Variants in ACTN1 observed in about 807,000 individuals in gnomAD.
ACTN1 encodes actinin alpha 1, also known as alpha-actinin-1.
A neutral mutation model predicts 119.6 loss-of-function variants in ACTN1; 30 were observed. The observed-to-expected ratio is 0.25, with a 90% CI of 0.19 to 0.34. The LOEUF is 0.34. Among genes scored for constraint, ACTN1 ranks in the 10% least tolerant of loss-of-function variants. The pLI, the probability that ACTN1 is intolerant of heterozygous loss-of-function variation, is 1.00. For synonymous variants in ACTN1, 429 were observed against 472.6 expected (o/e 0.91, Z 1.20); for missense variants, 764 against 1,223.4 (o/e 0.62, Z 5.60).
chr14:68,971,550 C>T (rs1044508726), intron 1 of ACTN1, among the ~76,000 whole-genome samples: 1 of 152,214 alleles, frequency 6.6e-6, no homozygotes, highest in Non-Finnish European at 1.5e-5. Flanking sequence ...TCTCGCTGTG[C>T]GGCTGTGAAC....
rs531484123 is a variant in ACTN1, at chr14:68,961,975, G to A, written c.105+16977C>T. 5.9e-5 allele frequency among the ~76,000 whole-genome samples: 9 copies of A among 152,198 alleles called. No homozygotes were observed. The South Asian group carries it at 1.0e-3, about 18-fold the overall frequency. On this transcript the variant is annotated intron_variant, in intron 1 of 21. Transcript: ENST00000394419. ...CAAGACACCCTGAAAGCTTGCCCTC[G>A]GCACCCATCTACCCCCTGGACCACA...
chr14:68,938,479 G>T (rs1261063265), intron 1 of ACTN1, among the ~76,000 whole-genome samples: 1 of 152,074 alleles, frequency 6.6e-6, no homozygotes, highest in African/African-American at 2.4e-5. Flanking sequence ...TCTGTAAAAT[G>T]GGGATAACAA....
intron 8 of ACTN1, among the ~76,000 whole-genome samples, chr14:68,896,708 C>T (rs1357722431): frequency 2.0e-5 from 3 of 152,152 alleles, no homozygotes; most frequent in African/African-American, 7.2e-5. Flanking sequence ...CAGAAGAGAA[C>T]CCCGGGAGAG....
Position 68,882,424 on chromosome 14 carries a change from G to GGGC in ACTN1, c.1953+33_1953+34insGCC. Reference sequence around the variant, plus strand: ...GGATAGTGTCGGGGGGGAGGGGTGGGAGCCCCAGCACTGCTTCCCAGCATG... The same window carrying GGGC: ...GGATAGTGTCGGGGGGGAGGGGTGGGGGCAGCCCCAGCACTGCTTCCCAGCATG... On this transcript the variant is annotated intron_variant, in intron 16 of 21. Coordinates refer to ENST00000394419, the MANE Select transcript of ACTN1 (RefSeq NM_001130004.2). This position sits in a 1 kb window ranked among gnomAD's most constrained non-coding sequence, Gnocchi z 4.5. The GGGC allele has an allele frequency of 9.2e-7, 1 of 1,081,794 alleles. No individual in the cohort carries two copies. Among genetic ancestry groups the GGGC allele is most frequent in the Non-Finnish European group, 1.4e-6 (1 of 734,404 alleles). 67.0% of individuals were successfully genotyped at this position (1,081,794 alleles called of 1,614,324 possible).
intron 1 of ACTN1, among the ~76,000 whole-genome samples, chr14:68,938,098 T>C (rs2035609679): frequency 6.6e-6 from 1 of 152,084 alleles, no homozygotes; most frequent in African/African-American, 2.4e-5. Flanking sequence ...GCATGGTAAA[T>C]AGGAGTATCT....
At chr14:68,955,993 A>G (rs533409704) in intron 1 of ACTN1, among the ~76,000 whole-genome samples, 28 of 152,300 alleles carry the variant, frequency 1.8e-4, no homozygotes, top group African/African-American at 6.5e-4. Flanking sequence ...CTGGAGGAAG[A>G]GTAAATAAGA....
intron 1 of ACTN1, among the ~76,000 whole-genome samples, chr14:68,943,129 C>T (rs545766700): frequency 1.4e-3 from 211 of 152,274 alleles, no homozygotes; most frequent in Middle Eastern, 3.4e-3. Flanking sequence ...TCCACTAGGC[C>T]GGCGGTGGTC....
chr14:68,949,160 G>A (rs1178503795), intron 1 of ACTN1, among the ~76,000 whole-genome samples: 1 of 152,220 alleles, frequency 6.6e-6, no homozygotes, highest in East Asian at 1.9e-4. Flanking sequence ...GAGCCTCGGA[G>A]AGAAAAACAG....
chr14:68,952,712 A>C (rs1212956294), intron 1 of ACTN1, among the ~76,000 whole-genome samples: 1 of 152,000 alleles, frequency 6.6e-6, no homozygotes, highest in Non-Finnish European at 1.5e-5. Flanking sequence ...CTTGGCCCTA[A>C]AATTAAACGT....
chr14:68,978,869 G>A (rs1208349401), intron 1 of ACTN1, 83 bp downstream of exon 1: 3 of 987,164 alleles, frequency 3.0e-6, no homozygotes, highest in Admixed American at 2.8e-5. Flanking sequence ...TTCAGAGCCC[G>A]GAGCCGAGAG....
Position 68,874,587 on chromosome 14 carries a change from C to T in ACTN1, c.*272G>A, listed in dbSNP as rs2030620946. On this transcript the variant is annotated 3_prime_UTR_variant, in exon 22 of 22. Coordinates refer to ENST00000394419, the MANE Select transcript of ACTN1 (RefSeq NM_001130004.2). ...TTTCGGTGCAAATAGTTAATCTTTC[C>T]TCTTTTTTTCCATTTGTCTGGTGGA... 6.3e-6 allele frequency: 2 copies of T among 318,106 alleles called. No individual in the cohort carries two copies. The highest frequency in any genetic ancestry group is 1.1e-5 in the Non-Finnish European group (2 of 176,414). 19.7% of individuals were successfully genotyped at this position (318,106 alleles called of 1,614,324 possible).
In ACTN1 at chr14:68,882,335, G is replaced by T; in HGVS notation, c.1953+123C>A. ...GCCTTCTACAGAACAGCAGACCCAC[G>T]GTGGGCTCCGGGCCTCAGTCCTCCA... On this transcript the variant is annotated intron_variant, in intron 16 of 21. Transcript: ENST00000394419. The surrounding 1 kb of genome is among the most constrained non-coding windows in gnomAD (Gnocchi z 4.5). 1 of 1,357,936 alleles carries T rather than the reference G, an allele frequency of 7.4e-7. No homozygotes were observed. The highest frequency in any genetic ancestry group is 1.0e-6 in the Non-Finnish European group (1 of 992,602). 84.1% of individuals were successfully genotyped at this position (1,357,936 alleles called of 1,614,324 possible).
chr14:68,920,603 C>T (rs1222927961), intron 3 of ACTN1, among the ~76,000 whole-genome samples: 3 of 152,138 alleles, frequency 2.0e-5, no homozygotes, highest in Non-Finnish European at 2.9e-5. Context: ...CCCAGGGCCC[C>T]GGGGAGTCTC....
chr14:68,953,050 G>A (rs558626432), intron 1 of ACTN1, among the ~76,000 whole-genome samples: 1 of 152,218 alleles, frequency 6.6e-6, no homozygotes, highest in South Asian at 2.1e-4. Context: ...AACCCACAGG[G>A]AGTCAGCCTG....
intron 1 of ACTN1, 191 bp downstream of exon 1, chr14:68,978,761 C>G: frequency 2.4e-6 from 1 of 411,730 alleles, no homozygotes; most frequent in Non-Finnish European, 4.3e-6. Context: ...GGCTCCGGGG[C>G]AGGGGCGCTC....
chr14:68,904,811 C>T (rs1167183259), intron 6 of ACTN1, 75 bp from the exon 7 acceptor site: 10 of 1,312,324 alleles, frequency 7.6e-6, no homozygotes, highest in Admixed American at 1.7e-5. Flanking sequence ...AATTGGGTGG[C>T]CACCCAAACT....
rs2031170511 is a variant in ACTN1, at chr14:68,878,668, A to G, written c.2362-145T>C. ...TGGGGGTCAGGATAGGTAAAGGAAC[A>G]TAGGAGAAGATGCGAACACACATCG... is the stretch of plus-strand genomic sequence containing the variant. On this transcript the variant is annotated intron_variant, in intron 19 of 21. Coordinates refer to ENST00000394419, the MANE Select transcript of ACTN1 (RefSeq NM_001130004.2). The surrounding 1 kb of genome is among the most constrained non-coding windows in gnomAD (Gnocchi z 4.4). 6.5e-7 allele frequency: 1 copy of G among 1,543,386 alleles called. No individual in the cohort carries two copies.
intron 8 of ACTN1, among the ~76,000 whole-genome samples, chr14:68,898,611 T>C (rs1337018148): frequency 6.6e-6 from 1 of 151,966 alleles, no homozygotes; most frequent in Non-Finnish European, 1.5e-5. Flanking sequence ...TTCTCCTCCA[T>C]CAGCCCCACC....
chr14:68,874,762 G>C lies in ACTN1; in HGVS notation c.*97C>G. ...TGGGCCCCAGCTCACCCGGGTGGAGGCTGGGAGCTGAAACCGAACCCAGGC... is the reference window on the plus strand; with the variant it reads ...TGGGCCCCAGCTCACCCGGGTGGAGCCTGGGAGCTGAAACCGAACCCAGGC... On this transcript the variant is annotated 3_prime_UTR_variant, in exon 22 of 22. Transcript: ENST00000394419. 1 of 1,298,618 alleles carries C rather than the reference G, an allele frequency of 7.7e-7. No individual in the cohort carries two copies. 80.4% of individuals were successfully genotyped at this position (1,298,618 alleles called of 1,614,324 possible). A position where few individuals can be genotyped will look rare whatever the true frequency, so the allele number is the denominator to read the frequency against.
Sources: allele counts gnomAD v4.1 joint callset (sites outside exome capture counted in the v4.1 genomes callset), GRCh38; gene constraint gnomAD v4.1.1; non-coding constraint Gnocchi (gnomAD v3.1); transcripts MANE v1.5; gene names NCBI Gene and HGNC (gene_info 2026-07-23, HGNC 2026-07-21).